Variants in IGSF11 observed in about 807,000 individuals in gnomAD.
The protein encoded by IGSF11 is immunoglobulin superfamily member 11, also known as CXADR like 1.
In IGSF11, 22 loss-of-function variants were observed where a neutral mutation model predicts 41.0. The ratio of observed to expected loss-of-function variants is 0.54; its 90% CI spans 0.38 to 0.77. The LOEUF is 0.77. IGSF11 is among the 30% of genes least tolerant of loss of function. The pLI, the probability that IGSF11 is intolerant of heterozygous loss-of-function variation, is 0.00. For synonymous variants in IGSF11, 219 were observed against 201.3 expected (o/e 1.09, Z -0.74); for missense variants, 444 against 530.8 (o/e 0.84, Z 1.61).
chr3:119,087,815 T>A (rs184976313), intron 1 of IGSF11, among the ~76,000 whole-genome samples: 444 of 151,640 alleles, frequency 2.9e-3, no homozygotes, highest in Non-Finnish European at 5.0e-3. Context: ...AGGAAAAAAA[T>A]TAAGAAGGAC....
intron 1 of IGSF11, among the ~76,000 whole-genome samples, chr3:118,931,059 A>G (rs895142001): frequency 6.6e-6 from 1 of 152,244 alleles, no homozygotes; most frequent in African/African-American, 2.4e-5. Context: ...GAGAGTACTG[A>G]AATAAATCTT....
intron 1 of IGSF11, among the ~76,000 whole-genome samples, chr3:119,052,459 G>T (rs1576735062): frequency 7.1e-6 from 1 of 141,626 alleles, no homozygotes; most frequent in Non-Finnish European, 1.5e-5. Context: ...GGAAGAGAGG[G>T]AGGGAGGGAG....
chr3:119,100,295 G>A (rs2076920564), intron 1 of IGSF11, among the ~76,000 whole-genome samples: 1 of 152,152 alleles, frequency 6.6e-6, no homozygotes, highest in Admixed American at 6.6e-5. Context: ...TGGCAATAGA[G>A]AAAAAGACAC....
At chr3:119,076,754 A>C (rs2076506448) in intron 1 of IGSF11, among the ~76,000 whole-genome samples, 1 of 152,198 alleles carries the variant, frequency 6.6e-6, no homozygotes, top group African/African-American at 2.4e-5. Context: ...TTAAAAAGTC[A>C]GGAAACAACA....
At chr3:118,950,573 C>T (rs975662733) in intron 1 of IGSF11, among the ~76,000 whole-genome samples, 1 of 151,878 alleles carries the variant, frequency 6.6e-6, no homozygotes, top group Non-Finnish European at 1.5e-5. Context: ...CATATATATA[C>T]CCCAACTCAA....
chr3:119,145,977 G>A, exon 1 of IGSF11: 1 of 551,306 alleles, frequency 1.8e-6, no homozygotes, highest in Admixed American at 3.2e-5. Flanking sequence ...TCAGGACATG[G>A]CGTACTCCCT....
chr3:118,967,451 T>C (rs1252330549), intron 1 of IGSF11, among the ~76,000 whole-genome samples: 1 of 152,144 alleles, frequency 6.6e-6, no homozygotes, highest in Non-Finnish European at 1.5e-5. Context: ...TATTTGCCAA[T>C]TGAGAGCCCA....
chr3:119,034,908 C>T (rs1940805089), upstream of IGSF11: 3 of 1,011,668 alleles, frequency 3.0e-6, no homozygotes, highest in Non-Finnish European at 3.7e-6. Context: ...CTACTCCAGC[C>T]GCAGCTCGGC....
chr3:118,954,467 C>T (rs1447341416), intron 1 of IGSF11, among the ~76,000 whole-genome samples: 1 of 152,042 alleles, frequency 6.6e-6, no homozygotes, highest in Non-Finnish European at 1.5e-5. Flanking sequence ...CTTCCTTGAA[C>T]CCCTCAAGGT....
Position 119,027,592 on chromosome 3 carries a change from T to C in IGSF11, c.52+6939A>G, listed in dbSNP as rs1443479728. On this transcript the variant is annotated intron_variant, in intron 1 of 6. Coordinates refer to ENST00000393775, the MANE Select transcript of IGSF11 (RefSeq NM_001015887.3). ...TCATAAAAACATTTATGTCAATGTG[T>C]AATGGATGCTTTGTTTCTAAACAGA... Among the ~76,000 whole-genome samples, 4 of 151,124 alleles carry C rather than the reference T, an allele frequency of 2.6e-5. No individual in the cohort carries two copies. In the East Asian group the frequency reaches 7.7e-4, roughly 29 times the overall value.
intron 4 of IGSF11, among the ~76,000 whole-genome samples, chr3:118,917,506 G>C (rs1392339831): frequency 7.1e-6 from 1 of 140,126 alleles, no homozygotes; most frequent in African/African-American, 2.8e-5. Context: ...AGAAAATCTA[G>C]AAGAAATGGA....
At chr3:119,066,518 TG>T (rs1191646982) in intron 1 of IGSF11, among the ~76,000 whole-genome samples, 1 of 152,214 alleles carries the variant, frequency 6.6e-6, no homozygotes, top group African/African-American at 2.4e-5. Flanking sequence ...TATAAAGTAG[TG>T]TGCTGGAGCA....
intron 1 of IGSF11, chr3:118,949,134 A>T (rs1381050974): frequency 6.6e-6 from 1 of 152,128 alleles, no homozygotes; most frequent in East Asian, 1.9e-4. Context: ...TAGAGGACAA[A>T]GGGCACAAGA....
intron 1 of IGSF11, among the ~76,000 whole-genome samples, chr3:119,057,408 C>T (rs58371884): frequency 0.03 from 4,542 of 152,132 alleles, 224 homozygotes; most frequent in African/African-American, 0.1. Flanking sequence ...AGGAATCCAA[C>T]TTACAAGGGA....
At chr3:118,941,142 C>T (rs1212175081) in intron 1 of IGSF11, among the ~76,000 whole-genome samples, 1 of 151,402 alleles carries the variant, frequency 6.6e-6, no homozygotes, top group Non-Finnish European at 1.5e-5. Context: ...GATAATAAAA[C>T]AATAATAAAA....
chr3:119,024,355 T>C (rs541096228), intron 1 of IGSF11, among the ~76,000 whole-genome samples: 25 of 152,256 alleles, frequency 1.6e-4, no homozygotes, highest in African/African-American at 5.5e-4. Flanking sequence ...TCAAGAACCA[T>C]CTCTTATCGG....
intron 1 of IGSF11, among the ~76,000 whole-genome samples, chr3:119,139,524 G>C (rs1197841275): frequency 6.6e-6 from 1 of 152,154 alleles, no homozygotes; most frequent in Non-Finnish European, 1.5e-5. Flanking sequence ...AAAAACAAGA[G>C]TTTCCCTGCA....
chr3:119,092,637 GTGTT>G (rs2076783138), intron 1 of IGSF11, among the ~76,000 whole-genome samples: 2 of 152,124 alleles, frequency 1.3e-5, no homozygotes, highest in Non-Finnish European at 2.9e-5. Flanking sequence ...GCCGTGTACA[GTGTT>G]TCTAAAGTCT....
chr3:119,052,959 A>C (rs1167164777), intron 1 of IGSF11, among the ~76,000 whole-genome samples: 1 of 152,214 alleles, frequency 6.6e-6, no homozygotes, highest in East Asian at 1.9e-4. Context: ...TTTGTGATTA[A>C]AACCCTCTGC....
Sources: gnomAD v4.1 joint callset for allele counts (sites outside exome capture counted in the v4.1 genomes callset) on GRCh38, gnomAD v4.1.1 for gene constraint, MANE v1.5 for transcripts, NCBI Gene and HGNC (gene_info 2026-07-23, HGNC 2026-07-21) for gene names.